Variants in NUDT19 observed in about 807,000 individuals in gnomAD.
The protein encoded by NUDT19 is acyl-coenzyme A diphosphatase NUDT19.
A neutral mutation model predicts 22.2 loss-of-function variants in NUDT19; 31 were observed. That is an observed-to-expected ratio of 1.40 (90% confidence interval 1.05 to 1.89). NUDT19 has a LOEUF of 1.89. Among genes scored for constraint, NUDT19 ranks in the 40% most tolerant of loss-of-function variants. The probability of loss-of-function intolerance (pLI) is 0.00; values close to 1 mark genes in which losing one functional copy is unlikely to be tolerated. For synonymous variants in NUDT19, 325 were observed against 230.8 expected, an observed-to-expected ratio of 1.41 and a Z score of -3.70; for missense variants, 752 against 514.2, an observed-to-expected ratio of 1.46 and a Z score of -4.47.
At chr19:32,702,125 A>G (rs1476055652) in intron 1 of NUDT19, among the ~76,000 whole-genome samples, 3 of 152,244 alleles carry the variant, frequency 2.0e-5, no homozygotes, top group Non-Finnish European at 4.4e-5. Flanking sequence ...ACAGACTCCC[A>G]GGAGAGTGCT....
At chr19:32,705,491 A>T (rs991095796) in intron 1 of NUDT19, among the ~76,000 whole-genome samples, 4 of 152,078 alleles carry the variant, frequency 2.6e-5, no homozygotes, top group African/African-American at 9.7e-5. Context: ...GTGATTGCAA[A>T]TTACCTTAAT....
chr19:32,705,942 T>C (rs1669240235), intron 1 of NUDT19, among the ~76,000 whole-genome samples: 1 of 152,118 alleles, frequency 6.6e-6, no homozygotes, highest in Non-Finnish European at 1.5e-5. Flanking sequence ...GCTGCTTGTG[T>C]TCAACATGAT....
At position 32,709,256 on chromosome 19, in the gene NUDT19, C is replaced by T. The variant is rs11673618; in HGVS notation, c.786C>T (p.Tyr262=). Residue 262 remains tyrosine (Y), a synonymous_variant, in exon 2 of 3, where the codon TAC becomes TAT. Coordinates refer to ENST00000397061, the MANE Select transcript of NUDT19 (RefSeq NM_001105570.2). The part of the protein sequence containing the change: ...KEIWLPPPQF[Y]EVRRLANFAS... ...TTTGGTTGCCACCCCCACAGTTCTA[C>T]GAAGTGAGAAGACTTGCAAACTTTG... The T allele has an allele frequency of 9.0e-3, 14,471 of 1,614,076 alleles. 312 individuals are homozygous for T. In the East Asian group the frequency reaches 0.093, roughly 10 times the overall value.
At chr19:32,711,538 T>C (rs1452244186) in intron 2 of NUDT19, among the ~76,000 whole-genome samples, 1 of 152,120 alleles carries the variant, frequency 6.6e-6, no homozygotes, top group Non-Finnish European at 1.5e-5. Context: ...ACTATCTCAG[T>C]TCCAAACATA....
intron 1 of NUDT19, among the ~76,000 whole-genome samples, chr19:32,699,022 T>G: frequency 6.6e-6 from 1 of 152,172 alleles, no homozygotes; most frequent in South Asian, 2.1e-4. Flanking sequence ...TTTCTGAGGC[T>G]CCCGATATCC....
In NUDT19 at chr19:32,692,585, A is replaced by G. The variant is rs373052172; in HGVS notation, c.625A>G (p.Thr209Ala). Residue 209 changes from threonine (T) to alanine (A), a missense_variant, in exon 1 of 3, where the codon ACT becomes GCT. Physicochemically the swap from Thr to Ala is moderately conservative, Grantham distance 58 (BLOSUM62 0). Transcript: ENST00000397061. ...GCTCACCCCTTTCTTGCGGGGCACC[A>G]CTCGCCGCTTTGACACGGCCTTCTT... Reference protein sequence around the residue: ...AWLTPFLRGTTRRFDTAFFLC... With the variant: ...AWLTPFLRGTARRFDTAFFLC... 31 of 1,586,600 alleles carry G rather than the reference A, an allele frequency of 2.0e-5. No homozygotes were observed. In the African/African-American group the frequency reaches 3.7e-4, roughly 19 times the overall value.
intron 2 of NUDT19, among the ~76,000 whole-genome samples, chr19:32,710,188 A>G (rs564034904): frequency 3.5e-5 from 5 of 143,406 alleles, no homozygotes; most frequent in African/African-American, 1.3e-4. Context: ...ATTTTTTTGT[A>G]TTATTAGTAG....
Position 32,692,096 on chromosome 19 carries a change from C to G in NUDT19, c.136C>G (p.Leu46Val), listed in dbSNP as rs1968189923. The G allele has an allele frequency of 7.2e-7, 1 of 1,386,200 alleles. No individual in the cohort carries two copies. Among genetic ancestry groups the G allele is most frequent in the Non-Finnish European group, 9.3e-7 (1 of 1,075,236 alleles). 85.9% of individuals were successfully genotyped at this position (1,386,200 alleles called of 1,614,324 possible). A position where few individuals can be genotyped will look rare whatever the true frequency, so the allele number is the denominator to read the frequency against. The change falls in exon 1 of 3, where the codon CTG becomes GTG. Residue 46 changes from leucine (L) to valine (V), a missense_variant. Coordinates refer to ENST00000397061, the MANE Select transcript of NUDT19 (RefSeq NM_001105570.2). Reference protein sequence around the residue: ...PPPAEGFRLLLLQRSPHQGFM... With the variant: ...PPPAEGFRLLVLQRSPHQGFM... ...GCCGGCCGAGGGCTTCCGGCTGCTG[C>G]TGCTGCAGCGCTCCCCGCACCAAGG...
chr19:32,706,725 G>T (rs1377146734), intron 1 of NUDT19, among the ~76,000 whole-genome samples: 1 of 152,162 alleles, frequency 6.6e-6, no homozygotes, highest in Non-Finnish European at 1.5e-5. Flanking sequence ...ATCTTACTGG[G>T]CCTAATTCAT....
intron 1 of NUDT19, among the ~76,000 whole-genome samples, chr19:32,693,363 G>T (rs987227608): frequency 6.6e-6 from 1 of 152,164 alleles, no homozygotes; most frequent in Non-Finnish European, 1.5e-5. Flanking sequence ...TGTTCCTCTT[G>T]GTGGGTTTGT....
chr19:32,697,815 T>TA (rs1186321145), intron 1 of NUDT19, among the ~76,000 whole-genome samples: 1 of 152,162 alleles, frequency 6.6e-6, no homozygotes, highest in Non-Finnish European at 1.5e-5. Context: ...AGGACATCTG[T>TA]ATACCTATCA....
At chr19:32,697,586 G>T (rs894691693) in intron 1 of NUDT19, among the ~76,000 whole-genome samples, 7 of 152,124 alleles carry the variant, frequency 4.6e-5, no homozygotes, top group Non-Finnish European at 1.0e-4. Context: ...GTCCCAGTGG[G>T]GATCCATACT....
Position 32,692,087 on chromosome 19 carries a change from C to G in NUDT19, c.127C>G (p.Arg43Gly). The part of the protein sequence containing the change: ...PSRPPPAEGF[R>G]LLLLQRSPHQ... ...GCGCCCGCCGCCGGCCGAGGGCTTCCGGCTGCTGCTGCTGCAGCGCTCCCC... is the reference window on the plus strand; with the variant it reads ...GCGCCCGCCGCCGGCCGAGGGCTTCGGGCTGCTGCTGCTGCAGCGCTCCCC... Residue 43 changes from arginine (R) to glycine (G), a missense_variant, in exon 1 of 3, where the codon CGG becomes GGG. Physicochemically the swap from Arg to Gly is moderately radical, Grantham distance 125. Transcript: ENST00000397061. 2.2e-6 allele frequency: 3 copies of G among 1,347,552 alleles called. No homozygotes were observed. The highest frequency in any genetic ancestry group is 1.9e-6 in the Non-Finnish European group (2 of 1,053,222). The allele number at this position is 1,347,552 out of a possible 1,614,324, so 83.5% of individuals were successfully genotyped here.
chr19:32,709,257 G>C lies in NUDT19; in HGVS notation c.787G>C (p.Glu263Gln), dbSNP rs149924778. The change falls in exon 2 of 3, where the codon GAA (glutamate) becomes CAA (glutamine). Residue 263 changes from glutamate to glutamine, a missense_variant. Coordinates refer to ENST00000397061, the MANE Select transcript of NUDT19 (RefSeq NM_001105570.2). ...TTGGTTGCCACCCCCACAGTTCTACGAAGTGAGAAGACTTGCAAACTTTGC... is the reference window on the plus strand; with the variant it reads ...TTGGTTGCCACCCCCACAGTTCTACCAAGTGAGAAGACTTGCAAACTTTGC... Reference protein sequence around the residue: ...EIWLPPPQFYEVRRLANFASL... With the variant: ...EIWLPPPQFYQVRRLANFASL... The C allele has an allele frequency of 2.5e-6, 4 of 1,614,120 alleles. No homozygotes were observed. The highest frequency in any genetic ancestry group is 3.4e-6 in the Non-Finnish European group (4 of 1,180,008).
intron 1 of NUDT19, among the ~76,000 whole-genome samples, chr19:32,694,108 A>G (rs1968236581): frequency 6.6e-6 from 1 of 152,218 alleles, no homozygotes; most frequent in African/African-American, 2.4e-5. Context: ...GAGGAAACAA[A>G]TTTGACAAGG....
chr19:32,699,648 AC>A (rs1968310041), intron 1 of NUDT19, among the ~76,000 whole-genome samples: 2 of 152,180 alleles, frequency 1.3e-5, no homozygotes, highest in Non-Finnish European at 2.9e-5. Context: ...GAAAAATAGG[AC>A]AGAATAGCAA....
At chr19:32,708,382 G>A (rs913256660) in intron 1 of NUDT19, among the ~76,000 whole-genome samples, 11 of 150,750 alleles carry the variant, frequency 7.3e-5, no homozygotes, top group African/African-American at 2.2e-4. Context: ...AGCCGAGATC[G>A]GGCCACTGCA....
In NUDT19 at chr19:32,698,596, A is replaced by G. The variant is rs148336294; in HGVS notation, c.714+5922A>G. 2.8e-3 allele frequency among the ~76,000 whole-genome samples: 426 copies of G among 152,108 alleles called. 2 individuals are homozygous for G. Among genetic ancestry groups the G allele is most frequent in the African/African-American group, 9.6e-3 (400 of 41,476 alleles). The stretch of plus-strand genomic sequence containing the variant: ...GTTGTGCTCACCAACGCAGCAGCAG[A>G]AACAACCCCTGCCCAAGAACCCGCA... On this transcript the variant is annotated intron_variant, in intron 1 of 2. Transcript: ENST00000397061.
intron 1 of NUDT19, among the ~76,000 whole-genome samples, chr19:32,702,070 A>G (rs1968341678): frequency 6.6e-6 from 1 of 152,216 alleles, no homozygotes; most frequent in Non-Finnish European, 1.5e-5. Flanking sequence ...GTGCACTGAT[A>G]CAGATACTCT....
Sources: allele counts gnomAD v4.1 joint callset (sites outside exome capture counted in the v4.1 genomes callset), GRCh38; gene constraint gnomAD v4.1.1; transcripts MANE v1.5; gene names NCBI Gene and HGNC (gene_info 2026-07-23, HGNC 2026-07-21).